The following PIEZO2 variants were observed in gnomAD, a reference collection of about 807,000 sequenced individuals.
PIEZO2 encodes the protein piezo type mechanosensitive ion channel component 2, also known as piezo-type mechanosensitive ion channel component 2.
Under a neutral mutation model 337.3 loss-of-function variants are expected in PIEZO2, and 172 were observed. That is an observed-to-expected ratio of 0.51 (90% CI 0.45 to 0.58). PIEZO2 has a LOEUF of 0.58. Ranked by LOEUF, PIEZO2 falls within the 20% of genes least tolerant of loss-of-function variation. The pLI, the probability that PIEZO2 is intolerant of heterozygous loss-of-function variation, is 0.00. For synonymous variants in PIEZO2, 1,251 were observed against 1,228.5 expected (o/e 1.02, Z -0.38); for missense variants, 3,028 against 3,391.3 (o/e 0.89, Z 2.66).
chr18:10,979,751 G>T lies in PIEZO2; in HGVS notation c.161-91C>A. The T allele has an allele frequency of 8.5e-7, 1 of 1,170,482 alleles. No homozygotes were observed. Among genetic ancestry groups the T allele is most frequent in the Non-Finnish European group, 1.1e-6 (1 of 896,050 alleles). The allele number at this position is 1,170,482 out of a possible 1,614,324, so 72.5% of individuals were successfully genotyped here. ...GTACATATTTCTGTATAACCTATTA[G>T]ATAGACCGACTCAAAAGTATATGGA... On this transcript the variant is annotated intron_variant, in intron 2 of 55. Transcript: ENST00000674853. This position sits in a 1 kb window ranked among gnomAD's most constrained non-coding sequence, Gnocchi z 4.0.
chr18:10,823,092 G>T (rs1252643576), intron 7 of PIEZO2, among the ~76,000 whole-genome samples: 3 of 152,154 alleles, frequency 2.0e-5, no homozygotes, highest in Non-Finnish European at 4.4e-5. Flanking sequence ...GCTATTGCCA[G>T]TAACATCAAC....
intron 3 of PIEZO2, among the ~76,000 whole-genome samples, chr18:10,957,751 A>C (rs184137621): frequency 1.3e-5 from 2 of 152,348 alleles, no homozygotes; most frequent in East Asian, 1.9e-4. Flanking sequence ...GAAAGAAAAT[A>C]TTTGCAAATC....
rs370047042 is a variant in PIEZO2, at chr18:10,672,908, G to A, written c.8162-35C>T. On this transcript the variant is annotated intron_variant, in intron 54 of 55. Coordinates refer to ENST00000674853, the MANE Select transcript of PIEZO2 (RefSeq NM_001378183.1). The surrounding 1 kb of genome is among the most constrained non-coding windows in gnomAD (Gnocchi z 4.7). ...TAGAAATGCAAAATTAAGTTGACAT[G>A]AGAATTTTAGGATTTCATGCACAGC... 1.3e-6 allele frequency: 2 copies of A among 1,533,432 alleles called. No individual in the cohort carries two copies. Among genetic ancestry groups the A allele is most frequent in the East Asian group, 2.3e-5 (1 of 44,442 alleles). The allele number at this position is 1,533,432 out of a possible 1,614,324, so 95.0% of individuals were successfully genotyped here.
At chr18:10,715,866 T>G in intron 37 of PIEZO2, 50 bp from the exon 38 acceptor site, 1 of 1,414,046 alleles carries the variant, frequency 7.1e-7, no homozygotes, top group Non-Finnish European at 9.5e-7. Context: ...ATACCATTGA[T>G]TTTACTTTTG....
In PIEZO2 at chr18:10,735,323, A is replaced by G. The variant is rs1047034336; in HGVS notation, c.4823T>C (p.Ile1608Thr). 6.6e-6 allele frequency among the ~76,000 whole-genome samples: 1 copy of G among 152,230 alleles called. No homozygotes were observed. Among genetic ancestry groups the G allele is most frequent in the Admixed American group, 6.5e-5 (1 of 15,278 alleles). ...PPRRSAFQRAIGKFASAILAL... is the reference protein window; with the variant it reads ...PPRRSAFQRATGKFASAILAL... ...TAAAATGGCTGATGCAAACTTCCCAATAGCTCTCTACAAAGAAGGACAAAG... is the reference window on the plus strand; with the variant it reads ...TAAAATGGCTGATGCAAACTTCCCAGTAGCTCTCTACAAAGAAGGACAAAG... Residue 1608 changes from isoleucine to threonine, a missense_variant, in exon 35 of 56, where the codon ATT becomes ACT. Physicochemically the swap from Ile to Thr is moderately conservative, Grantham distance 89. This residue lies in a region of PIEZO2 where 1,925 missense variants were observed against 2,051.9 expected (regional missense o/e 0.94). Coordinates refer to ENST00000674853, the MANE Select transcript of PIEZO2 (RefSeq NM_001378183.1).
At chr18:10,679,518 T>C (rs2034168720) in intron 52 of PIEZO2, among the ~76,000 whole-genome samples, 1 of 113,428 alleles carries the variant, frequency 8.8e-6, no homozygotes, top group Non-Finnish European at 2.0e-5. Flanking sequence ...ATTGAAACAA[T>C]TTTAGATTTT....
At chr18:10,933,052 G>A (rs2032184158) in intron 3 of PIEZO2, among the ~76,000 whole-genome samples, 2 of 152,158 alleles carry the variant, frequency 1.3e-5, no homozygotes, top group African/African-American at 2.4e-5. Context: ...GCAAACAGGA[G>A]GGTGAGGACC....
chr18:10,950,575 T>C (rs1474359440), intron 3 of PIEZO2, among the ~76,000 whole-genome samples: 1 of 152,232 alleles, frequency 6.6e-6, no homozygotes, highest in African/African-American at 2.4e-5. Flanking sequence ...AGTTATTGTA[T>C]ATGTGGCTTT....
chr18:10,737,762 C>T (rs2037065397), intron 33 of PIEZO2: 2 of 152,196 alleles, frequency 1.3e-5, no homozygotes, highest in African/African-American at 4.8e-5. Context: ...TCTGATGCTA[C>T]AAGCAATGTC....
Position 10,759,600 on chromosome 18 carries a change from G to A in PIEZO2, c.3656-17C>T, listed in dbSNP as rs1320177968. 1 of 1,535,894 alleles carries A rather than the reference G, an allele frequency of 6.5e-7. No homozygotes were observed. Among genetic ancestry groups the A allele is most frequent in the African/African-American group, 1.4e-5 (1 of 73,006 alleles). On this transcript the variant is annotated splice_polypyrimidine_tract_variant and intron_variant, in intron 25 of 55. Transcript: ENST00000674853. The surrounding 1 kb of genome is among the most constrained non-coding windows in gnomAD (Gnocchi z 5.5). The stretch of plus-strand genomic sequence containing the variant: ...ACGGGTAATCTGCAGGGAGGGAAGT[G>A]GCGAACAGCACAATCAATACTCTTC...
chr18:10,944,883 G>T lies in PIEZO2; in HGVS notation c.287-33655C>A, dbSNP rs777374083. ...GCAACGAAAGACAGTGGTTCCTAAGGGGGGAGAAAAAGAAGCAAAGCTAAC... is the reference window on the plus strand; with the variant it reads ...GCAACGAAAGACAGTGGTTCCTAAGTGGGGAGAAAAAGAAGCAAAGCTAAC... On this transcript the variant is annotated intron_variant, in intron 3 of 55. Coordinates refer to ENST00000674853, the MANE Select transcript of PIEZO2 (RefSeq NM_001378183.1). Among the ~76,000 whole-genome samples, 4 of 152,064 alleles carry T rather than the reference G, an allele frequency of 2.6e-5. No homozygotes were observed. The South Asian group carries it at 8.3e-4, about 32-fold the overall frequency.
chr18:10,956,174 C>A (rs1248403208), intron 3 of PIEZO2, among the ~76,000 whole-genome samples: 1 of 152,026 alleles, frequency 6.6e-6, no homozygotes, highest in Admixed American at 6.6e-5. Context: ...ATGTCAATAG[C>A]CTAATAATAA....
chr18:10,696,148 C>T lies in PIEZO2; in HGVS notation c.7116G>A (p.Lys2372=), dbSNP rs753146531. ...ALYLRKTVLG[K]VIFQVILVFG... ...ACACAAGAATGACCTGGAAGATGAC[C>T]TTTCCCAGTACAGTCTTCCTGAGGT... is the stretch of plus-strand genomic sequence containing the variant. Residue 2372 remains lysine (K), a synonymous_variant, in exon 47 of 56, where the codon AAG becomes AAA. Transcript: ENST00000674853. 3 of 1,614,200 alleles carry T rather than the reference C, an allele frequency of 1.9e-6. No individual in the cohort carries two copies. The highest frequency in any genetic ancestry group is 2.5e-6 in the Non-Finnish European group (3 of 1,180,006).
chr18:10,702,079 T>TG lies in PIEZO2; in HGVS notation c.6350dup (p.Asn2118LysfsTer15). On this transcript the variant is annotated frameshift_variant, in exon 43 of 56. Transcript: ENST00000674853. LOFTEE classifies it high-confidence loss of function. ...CCTTCTTTTCCACTCCTATGATGTT[T>TG]GGGGGGTGATACGGTTTATCTTTGT... 6.5e-7 allele frequency: 1 copy of TG among 1,537,046 alleles called. No individual in the cohort carries two copies. The highest frequency in any genetic ancestry group is 2.4e-5 in the East Asian group (1 of 40,902).
chr18:10,892,802 C>A lies in PIEZO2; in HGVS notation c.329+18384G>T, dbSNP rs143955725. On this transcript the variant is annotated intron_variant, in intron 4 of 55. Transcript: ENST00000674853. ...CATAAAAATGTAAATGAAGAAATCA[C>A]CACCAAAATCTAACAAGTACTTCAT... 2.6e-5 allele frequency among the ~76,000 whole-genome samples: 4 copies of A among 152,222 alleles called. No individual in the cohort carries two copies. In the East Asian group the frequency reaches 7.7e-4, roughly 29 times the overall value.
In PIEZO2 at chr18:10,979,424, ATAATT is replaced by A. The variant is rs2034579232; in HGVS notation, c.286+106_286+110del. ...AAGACCAAAAATTTCCATGAATTTT[ATAATT>A]TAATTATTGCATAGATTTCTATGTG... On this transcript the variant is annotated intron_variant, in intron 3 of 55. Transcript: ENST00000674853. This position sits in a 1 kb window ranked among gnomAD's most constrained non-coding sequence, Gnocchi z 4.0. 8.4e-7 allele frequency: 1 copy of A among 1,184,484 alleles called. No homozygotes were observed. The highest frequency in any genetic ancestry group is 1.1e-6 in the Non-Finnish European group (1 of 917,062). The allele number at this position is 1,184,484 out of a possible 1,614,324, so 73.4% of individuals were successfully genotyped here.
At chr18:10,734,824 G>T (rs1292337389) in intron 35 of PIEZO2, among the ~76,000 whole-genome samples, 2 of 152,112 alleles carry the variant, frequency 1.3e-5, no homozygotes, top group Non-Finnish European at 2.9e-5. Flanking sequence ...CGGAGTAAAA[G>T]ACATCTTTTA....
In PIEZO2 at chr18:10,862,302, G is replaced by GT. The variant is rs1353659833; in HGVS notation, c.493-5092dup. ...TCAACATTTGATAACATGTATTAGT[G>GT]TAAGATCTCTCATTTCACATAAGGA... On this transcript the variant is annotated intron_variant, in intron 5 of 55. Coordinates refer to ENST00000674853, the MANE Select transcript of PIEZO2 (RefSeq NM_001378183.1). This position sits in a 1 kb window ranked among gnomAD's most constrained non-coding sequence, Gnocchi z 4.4. Among the ~76,000 whole-genome samples the GT allele has an allele frequency of 1.3e-5, 2 of 152,144 alleles. No individual in the cohort carries two copies. The highest frequency in any genetic ancestry group is 4.8e-5 in the African/African-American group (2 of 41,444).
At chr18:10,818,110 G>T (rs2144430438) in intron 7 of PIEZO2, among the ~76,000 whole-genome samples, 1 of 151,796 alleles carries the variant, frequency 6.6e-6, no homozygotes, top group Non-Finnish European at 1.5e-5. Context: ...ATAGATTCTG[G>T]AACATCAACA....
Sources: gnomAD v4.1 joint callset for allele counts (sites outside exome capture counted in the v4.1 genomes callset) on GRCh38, gnomAD v4.1.1 for gene constraint, gnomAD v4.1.1 regional missense constraint, Gnocchi (gnomAD v3.1) non-coding constraint, MANE v1.5 for transcripts, NCBI Gene and HGNC (gene_info 2026-07-23, HGNC 2026-07-21) for gene names.